Variants in DNAJC15 observed in about 807,000 individuals in gnomAD.
The protein encoded by DNAJC15 is DnaJ heat shock protein family (Hsp40) member C15.
A neutral mutation model predicts 22.4 loss-of-function variants in DNAJC15; 27 were observed. The ratio of observed to expected loss-of-function variants is 1.20; its 90% CI spans 0.89 to 1.66. The LOEUF (loss-of-function observed/expected upper bound fraction) is 1.66, where lower values mean the gene tolerates loss of function less well. Ranked by LOEUF, DNAJC15 falls within the 40% of genes most tolerant of loss-of-function variation. DNAJC15 has a pLI of 0.00. For synonymous variants in DNAJC15, 79 were observed against 63.2 expected, an observed-to-expected ratio of 1.25 and a Z score of -1.19; for missense variants, 208 against 187.1, an observed-to-expected ratio of 1.11 and a Z score of -0.65.
intron 3 of DNAJC15, among the ~76,000 whole-genome samples, chr13:43,072,463 T>A (rs560400871): frequency 3.3e-5 from 5 of 152,338 alleles, no homozygotes; most frequent in African/African-American, 1.2e-4. Context: ...TCCATCTCCT[T>A]ATCTTTCTTT....
intron 1 of DNAJC15, among the ~76,000 whole-genome samples, chr13:43,042,442 G>A (rs1272609053): frequency 2.0e-5 from 3 of 152,136 alleles, no homozygotes; most frequent in African/African-American, 7.2e-5. Context: ...CCTGTGTTAG[G>A]GACAGGGATC....
chr13:43,094,240 T>C (rs957938727), intron 5 of DNAJC15, among the ~76,000 whole-genome samples: 7 of 152,214 alleles, frequency 4.6e-5, no homozygotes, highest in African/African-American at 1.7e-4. Context: ...GGTCAAATAC[T>C]GCTTCACTGA....
At chr13:43,066,409 A>G (rs915677732) in intron 2 of DNAJC15, among the ~76,000 whole-genome samples, 4 of 151,588 alleles carry the variant, frequency 2.6e-5, no homozygotes, top group Admixed American at 2.6e-4. Context: ...GCATCTTCCA[A>G]CCTCTGTCTG....
At chr13:43,040,997 A>C (rs1006206525) in intron 1 of DNAJC15, among the ~76,000 whole-genome samples, 21 of 152,216 alleles carry the variant, frequency 1.4e-4, no homozygotes, top group African/African-American at 5.1e-4. Context: ...CATTGCCCAG[A>C]GATGGGCAGG....
intron 5 of DNAJC15, 26 bp downstream of exon 5, chr13:43,085,864 A>T: frequency 6.3e-7 from 1 of 1,580,824 alleles, no homozygotes; most frequent in Non-Finnish European, 8.7e-7. Flanking sequence ...ATTTTTCATA[A>T]TATGTATATC....
intron 5 of DNAJC15, among the ~76,000 whole-genome samples, chr13:43,094,202 C>T (rs1382318448): frequency 6.6e-6 from 1 of 151,612 alleles, no homozygotes; most frequent in Non-Finnish European, 1.5e-5. Flanking sequence ...TTTTTTTTCC[C>T]ATCTGTGATT....
chr13:43,034,978 A>G (rs1836193326), intron 1 of DNAJC15, among the ~76,000 whole-genome samples: 1 of 151,984 alleles, frequency 6.6e-6, no homozygotes, highest in African/African-American at 2.4e-5. Context: ...ATCCATTTTT[A>G]TCCTCCCACC....
chr13:43,029,059 AC>A (rs1169569273), intron 1 of DNAJC15, among the ~76,000 whole-genome samples: 1 of 152,220 alleles, frequency 6.6e-6, no homozygotes, highest in Non-Finnish European at 1.5e-5. Flanking sequence ...TTATTGAGCA[AC>A]TTAATAAATA....
intron 1 of DNAJC15, among the ~76,000 whole-genome samples, chr13:43,064,654 C>T (rs1318183932): frequency 6.6e-6 from 1 of 152,098 alleles, no homozygotes; most frequent in Admixed American, 6.6e-5. Context: ...ATTTTTATCC[C>T]ATGTATTAAT....
At chr13:43,068,092 T>C (rs1407554233) in intron 2 of DNAJC15, among the ~76,000 whole-genome samples, 2 of 152,138 alleles carry the variant, frequency 1.3e-5, no homozygotes, top group Non-Finnish European at 2.9e-5. Flanking sequence ...GAACTCTTGA[T>C]TTGCAAATAG....
intron 5 of DNAJC15, among the ~76,000 whole-genome samples, chr13:43,102,892 G>A (rs1013309897): frequency 2.6e-5 from 4 of 151,912 alleles, no homozygotes; most frequent in Non-Finnish European, 4.4e-5. Context: ...TCTGTTTTTC[G>A]GAAAAATTCA....
intron 1 of DNAJC15, among the ~76,000 whole-genome samples, chr13:43,057,319 T>G (rs2040536566): frequency 6.6e-6 from 1 of 152,142 alleles, no homozygotes; most frequent in East Asian, 1.9e-4. Context: ...CTTTTTTGTC[T>G]TTGTCAGTTT....
At chr13:43,026,233 CAG>C (rs2040380157) in intron 1 of DNAJC15, among the ~76,000 whole-genome samples, 1 of 152,166 alleles carries the variant, frequency 6.6e-6, no homozygotes, top group African/African-American at 2.4e-5. Context: ...TGTACTAAAA[CAG>C]TGTAATAATG....
intron 1 of DNAJC15, among the ~76,000 whole-genome samples, chr13:43,035,395 A>G (rs190854860): frequency 2.8e-4 from 42 of 152,318 alleles, no homozygotes; most frequent in African/African-American, 9.4e-4. Flanking sequence ...TCATTCCTCT[A>G]AAGGACTGAA....
At chr13:43,051,178 A>C (rs2456242) in intron 1 of DNAJC15, among the ~76,000 whole-genome samples, 1 of 152,078 alleles carries the variant, frequency 6.6e-6, no homozygotes, top group African/African-American at 2.4e-5. Context: ...GGGTTTCACC[A>C]TGTTAGCAAG....
At position 43,111,124 on chromosome 13, in the gene DNAJC15, C is replaced by T. The variant is rs934194560; in HGVS notation, c.*3876C>T. 3.9e-5 allele frequency: 6 copies of T among 152,170 alleles called. No homozygotes were observed. The highest frequency in any genetic ancestry group is 7.3e-5 in the Non-Finnish European group (5 of 68,030). 9.4% of individuals were successfully genotyped at this position (152,170 alleles called of 1,614,324 possible). ...GATTTTAGTTGATGGTGCCAGTCTT[C>T]AGCGTAAAGTCAAAAGTGGAGGGAA... On this transcript the variant is annotated 3_prime_UTR_variant, in exon 6 of 6. Transcript: ENST00000379221.
At chr13:43,060,322 CAT>C (rs1223941099) in intron 1 of DNAJC15, among the ~76,000 whole-genome samples, 1 of 152,014 alleles carries the variant, frequency 6.6e-6, no homozygotes, top group Non-Finnish European at 1.5e-5. Context: ...GAGCATTTGT[CAT>C]ATAGAATTAT....
intron 1 of DNAJC15, among the ~76,000 whole-genome samples, chr13:43,041,369 A>G (rs1166999331): frequency 6.6e-6 from 1 of 152,218 alleles, no homozygotes; most frequent in Non-Finnish European, 1.5e-5. Context: ...CAGGGAGCAC[A>G]GGGTTGGGGG....
In DNAJC15 at chr13:43,023,659, CGA is replaced by C. The variant is rs1566196870; in HGVS notation, c.37_38del (p.Ser13PhefsTer5). 6.2e-7 allele frequency: 1 copy of C among 1,612,458 alleles called. No homozygotes were observed. Among genetic ancestry groups the C allele is most frequent in the South Asian group, 1.1e-5 (1 of 90,738 alleles). On this transcript the variant is annotated frameshift_variant, in exon 1 of 6. Coordinates refer to ENST00000379221, the MANE Select transcript of DNAJC15 (RefSeq NM_013238.3). LOFTEE classifies it high-confidence loss of function. Reference sequence around the variant, plus strand: ...CCCGTGGTGTCATCGCTCCAGTTGGCGAGAGTTTGCGCTACGCTGAGTACTTG... The same window carrying C: ...CCCGTGGTGTCATCGCTCCAGTTGGCGAGTTTGCGCTACGCTGAGTACTTG... ...AARGVIAPVG[E>X]SLRYAEYLQP...
Sources: gnomAD v4.1 joint callset for allele counts (sites outside exome capture counted in the v4.1 genomes callset) on GRCh38, gnomAD v4.1.1 for gene constraint, MANE v1.5 for transcripts, NCBI Gene and HGNC (gene_info 2026-07-23, HGNC 2026-07-21) for gene names.